The following PPAT variants were observed in gnomAD, a reference collection of about 807,000 sequenced individuals.
PPAT encodes the protein amidophosphoribosyltransferase.
Under a neutral mutation model 60.2 loss-of-function variants are expected in PPAT, and 20 were observed. The ratio of observed to expected loss-of-function variants is 0.33; its 90% CI spans 0.23 to 0.48. The LOEUF (loss-of-function observed/expected upper bound fraction) is 0.48. Among genes scored for constraint, PPAT ranks in the 20% least tolerant of loss-of-function variants. PPAT has a pLI of 0.99. For synonymous variants in PPAT, 194 were observed against 215.1 expected (o/e 0.90, Z 0.86); for missense variants, 349 against 629.6 (o/e 0.55, Z 4.77).
At chr4:56,415,659 A>G (rs1364659649) in intron 1 of PPAT, among the ~76,000 whole-genome samples, 1 of 152,230 alleles carries the variant, frequency 6.6e-6, no homozygotes, top group African/African-American at 2.4e-5. Flanking sequence ...ACATGCCAAA[A>G]AAACAGCATT....
At chr4:56,433,699 G>GTTTT (rs35741626) in intron 1 of PPAT, among the ~76,000 whole-genome samples, 1 of 141,452 alleles carries the variant, frequency 7.1e-6, no homozygotes, top group Admixed American at 7.6e-5. Flanking sequence ...AATAACAACT[G>GTTTT]TTTTTTTTTT....
At chr4:56,432,470 G>A (rs998592848) in intron 1 of PPAT, among the ~76,000 whole-genome samples, 3 of 147,930 alleles carry the variant, frequency 2.0e-5, no homozygotes, top group Non-Finnish European at 3.0e-5. Context: ...AGGTTGCAAT[G>A]AGCCCAGATC....
At chr4:56,402,820 C>CAAAA (rs556899549) in intron 5 of PPAT, among the ~76,000 whole-genome samples, 86 of 43,984 alleles carry the variant, frequency 2.0e-3, no homozygotes, top group African/African-American at 5.1e-3. Context: ...ACTCGGTCTC[C>CAAAA]AAAAAAAAAA....
intron 3 of PPAT, 29 bp from the exon 4 acceptor site, chr4:56,403,430 A>G: frequency 1.3e-6 from 2 of 1,536,380 alleles, no homozygotes; most frequent in South Asian, 1.1e-5. Context: ...AAGTTTAATC[A>G]TCAGAGGGGA....
intron 1 of PPAT, among the ~76,000 whole-genome samples, chr4:56,428,028 T>C (rs919282097): frequency 6.6e-6 from 1 of 152,180 alleles, no homozygotes; most frequent in Admixed American, 6.5e-5. Context: ...TCACCTATGA[T>C]GAAAAGCAGC....
chr4:56,419,783 A>G, intron 1 of PPAT: 2 of 985,066 alleles, frequency 2.0e-6, no homozygotes, highest in Non-Finnish European at 2.4e-6. Context: ...ATAAGAGGAT[A>G]TTTCAACAAA....
rs1301056043 is a variant in PPAT at position 56,394,611 on chromosome 4, T to A, written c.*741A>T. On this transcript the variant is annotated 3_prime_UTR_variant, in exon 11 of 11. Coordinates refer to ENST00000264220, the MANE Select transcript of PPAT (RefSeq NM_002703.5). ...GATTTTTACAACCCTTTTTAGGACA[T>A]CTCAAAGAGAGATGGCAAAGATCTG... 6.6e-6 allele frequency: 1 copy of A among 152,142 alleles called. No individual in the cohort carries two copies. The highest frequency in any genetic ancestry group is 1.5e-5 in the Non-Finnish European group (1 of 68,020). 9.4% of individuals were successfully genotyped at this position (152,142 alleles called of 1,614,324 possible). A position where few individuals can be genotyped will look rare whatever the true frequency, so the allele number is the denominator to read the frequency against.
chr4:56,405,150 A>T (rs895548391), intron 3 of PPAT, among the ~76,000 whole-genome samples: 2 of 152,092 alleles, frequency 1.3e-5, no homozygotes, highest in Non-Finnish European at 2.9e-5. Flanking sequence ...CACAAATTTG[A>T]CATCATTAGC....
intron 1 of PPAT, among the ~76,000 whole-genome samples, chr4:56,411,409 A>G (rs1716455830): frequency 6.6e-6 from 1 of 152,186 alleles, no homozygotes; most frequent in Non-Finnish European, 1.5e-5. Flanking sequence ...GAACAGCTCC[A>G]TTTTAACAAT....
At chr4:56,427,961 C>T (rs1283637260) in intron 1 of PPAT, among the ~76,000 whole-genome samples, 1 of 152,170 alleles carries the variant, frequency 6.6e-6, no homozygotes, top group Admixed American at 6.5e-5. Flanking sequence ...CCACTTCTCA[C>T]TAAAAGAAAT....
At chr4:56,420,735 G>A (rs182196831) in intron 1 of PPAT, 11 of 152,218 alleles carry the variant, frequency 7.2e-5, no homozygotes, top group Middle Eastern at 6.8e-3. Context: ...GAAGAACTTA[G>A]AAAAATATAA....
intron 1 of PPAT, among the ~76,000 whole-genome samples, chr4:56,408,853 A>G (rs2110042218): frequency 6.6e-6 from 1 of 152,296 alleles, no homozygotes; most frequent in South Asian, 2.1e-4. Flanking sequence ...AAAATGTTAA[A>G]TGTACCCTTC....
At chr4:56,408,478 C>CCTT (rs1372498559) in intron 1 of PPAT, 2 of 148,944 alleles carry the variant, frequency 1.3e-5, no homozygotes, top group African/African-American at 2.5e-5. Flanking sequence ...TAACCTCCTG[C>CCTT]CTTCTCAAGT....
chr4:56,402,941 AC>A lies in PPAT; in HGVS notation c.661+98del. 3 of 1,088,594 alleles carry A rather than the reference AC, an allele frequency of 2.8e-6. No homozygotes were observed. The African/African-American group carries it at 4.8e-5, about 18-fold the overall frequency. The allele number at this position is 1,088,594 out of a possible 1,614,324, so 67.4% of individuals were successfully genotyped here. ...TATTTTTCTTACCTAGCTCCCTCCC[AC>A]CCATCAACTTTCTATACCTAAAGAT... On this transcript the variant is annotated intron_variant, in intron 5 of 10. Coordinates refer to ENST00000264220, the MANE Select transcript of PPAT (RefSeq NM_002703.5).
intron 7 of PPAT, 122 bp from the exon 8 acceptor site, chr4:56,401,033 A>G: frequency 9.4e-7 from 1 of 1,065,604 alleles, no homozygotes; most frequent in Non-Finnish European, 1.3e-6. Flanking sequence ...TATATACAAA[A>G]ATATGAATGT....
At chr4:56,414,029 A>G (rs1199144092) in intron 1 of PPAT, among the ~76,000 whole-genome samples, 1 of 152,222 alleles carries the variant, frequency 6.6e-6, no homozygotes, top group Non-Finnish European at 1.5e-5. Context: ...ACTTTTCTAT[A>G]CAATTTTACA....
intron 1 of PPAT, among the ~76,000 whole-genome samples, chr4:56,428,173 T>G (rs1717393624): frequency 1.3e-5 from 2 of 152,238 alleles, no homozygotes; most frequent in African/African-American, 4.8e-5. Context: ...CCATCACAGT[T>G]GCTTTAAGTG....
intron 1 of PPAT, among the ~76,000 whole-genome samples, chr4:56,432,860 T>A (rs1174806955): frequency 1.3e-5 from 2 of 148,852 alleles, no homozygotes; most frequent in African/African-American, 4.9e-5. Context: ...AAAAACACAA[T>A]CAAACCTTTT....
intron 1 of PPAT, chr4:56,410,592 T>C (rs1175649271): frequency 9.1e-6 from 9 of 986,172 alleles, no homozygotes; most frequent in South Asian, 4.7e-5. Context: ...GAAAAAAATA[T>C]ACGAAAACAA....
Sources: allele counts gnomAD v4.1 joint callset (sites outside exome capture counted in the v4.1 genomes callset), GRCh38; gene constraint gnomAD v4.1.1; transcripts MANE v1.5; gene names NCBI Gene and HGNC (gene_info 2026-07-23, HGNC 2026-07-21).